AMPH: variants seen among roughly 807,000 people sequenced by gnomAD.
AMPH encodes the protein amphiphysin.
In AMPH, 49 loss-of-function variants were observed where a neutral mutation model predicts 99.1. The ratio of observed to expected loss-of-function variants is 0.49; its 90% CI spans 0.39 to 0.63. AMPH has a LOEUF of 0.63. Ranked by LOEUF, AMPH falls within the 20% of genes least tolerant of loss-of-function variation. The probability of loss-of-function intolerance (pLI) is 0.00; values close to 1 mark genes in which losing one functional copy is unlikely to be tolerated. For missense variants in AMPH, 759 were observed against 863.4 expected, an observed-to-expected ratio of 0.88 and a Z score of 1.52; for synonymous variants, 314 against 317.3, an observed-to-expected ratio of 0.99 and a Z score of 0.11.
intron 14 of AMPH, chr7:38,428,936 G>A: frequency 8.9e-7 from 1 of 1,121,052 alleles, no homozygotes. Context: ...AGGTCTTATG[G>A]TCTTCCTTTC....
At chr7:38,394,406 T>C (rs896772213) in intron 17 of AMPH, among the ~76,000 whole-genome samples, 192 bp from the exon 18 acceptor site, 16 of 152,164 alleles carry the variant, frequency 1.1e-4, no homozygotes, top group African/African-American at 3.6e-4. Context: ...TCTGCTGAGC[T>C]CCCAACAATT....
intron 15 of AMPH, among the ~76,000 whole-genome samples, chr7:38,424,612 A>G (rs1005757084): frequency 1.3e-5 from 2 of 152,086 alleles, no homozygotes; most frequent in African/African-American, 4.8e-5. Context: ...AAAATATGAA[A>G]AAGAGAAGTG....
rs1380712286 is a variant in AMPH at position 38,391,767 on chromosome 7, G to C, written c.1859C>G (p.Pro620Arg). 5.6e-6 allele frequency: 9 copies of C among 1,613,852 alleles called. No homozygotes were observed. Among genetic ancestry groups the C allele is most frequent in the Non-Finnish European group, 7.6e-6 (9 of 1,179,940 alleles). Residue 620 changes from proline (P) to arginine (R), a missense_variant, in exon 19 of 21, where the codon CCT (proline) becomes CGT (arginine). By Grantham distance (103) the Pro-to-Arg change is moderately radical (BLOSUM62 -2). This residue lies in a region of AMPH where 554 missense variants were observed against 575.6 expected (regional missense o/e 0.96). Transcript: ENST00000356264. ...GAATACCTTGTAGAGAAAGCCAGGA[G>C]GCAATTCCTGAGAGGCCTCCCTTGC... Reference protein sequence around the residue: ...ASAREASQELPPGFLYKVETL... With the variant: ...ASAREASQELRPGFLYKVETL...
At chr7:38,602,918 CAAA>C (rs912572996) in intron 1 of AMPH, among the ~76,000 whole-genome samples, 9 of 152,068 alleles carry the variant, frequency 5.9e-5, no homozygotes, top group Non-Finnish European at 1.3e-4. Flanking sequence ...GTATCGTCTT[CAAA>C]AAGTCAATAT....
chr7:38,608,254 C>T (rs1793503462), intron 1 of AMPH, among the ~76,000 whole-genome samples: 1 of 152,162 alleles, frequency 6.6e-6, no homozygotes, highest in East Asian at 1.9e-4. Flanking sequence ...AGCACGGCTC[C>T]CGGTCAGCTT....
At chr7:38,399,427 CA>C (rs1784780458) in intron 17 of AMPH, among the ~76,000 whole-genome samples, 1 of 152,100 alleles carries the variant, frequency 6.6e-6, no homozygotes, top group Non-Finnish European at 1.5e-5. Context: ...TTACTGACCG[CA>C]AGAATAGAAC....
chr7:38,422,808 C>T (rs990803038), intron 15 of AMPH, among the ~76,000 whole-genome samples: 4 of 152,060 alleles, frequency 2.6e-5, no homozygotes, highest in Admixed American at 2.6e-4. Context: ...TTTGTATAGA[C>T]AGCGTTTCAT....
chr7:38,435,163 G>A (rs1347178326), intron 12 of AMPH, among the ~76,000 whole-genome samples: 1 of 152,114 alleles, frequency 6.6e-6, no homozygotes, highest in African/African-American at 2.4e-5. Context: ...TTTTTGCAAA[G>A]CATCTTCAAG....
At chr7:38,494,338 C>T in intron 4 of AMPH, 95 bp downstream of exon 4, 1 of 1,032,942 alleles carries the variant, frequency 9.7e-7, no homozygotes. Flanking sequence ...TGTCTTGCCT[C>T]ATGATTAAGA....
At chr7:38,505,907 A>G (rs2043788) in intron 2 of AMPH, among the ~76,000 whole-genome samples, 23 of 151,896 alleles carry the variant, frequency 1.5e-4, no homozygotes, top group Middle Eastern at 3.4e-3. Context: ...CTATGCTGCA[A>G]CTCCCTACCA....
rs908946146 is a variant in AMPH, at chr7:38,477,093, G to A, written c.397-124C>T. 12 of 721,754 alleles carry A rather than the reference G, an allele frequency of 1.7e-5. No homozygotes were observed. In the African/African-American group the frequency reaches 1.9e-4, roughly 12 times the overall value. The allele number at this position is 721,754 out of a possible 1,614,324, so 44.7% of individuals were successfully genotyped here. A position where few individuals can be genotyped will look rare whatever the true frequency, so the allele number is the denominator to read the frequency against. ...GAGGATCTTGACTGGAGATCAAGAT[G>A]GGCTGGAGTTTCACTAGCTAAGTGA... On this transcript the variant is annotated intron_variant, in intron 5 of 20. Transcript: ENST00000356264.
intron 9 of AMPH, 65 bp downstream of exon 9, chr7:38,465,402 G>T: frequency 7.2e-7 from 1 of 1,389,898 alleles, no homozygotes; most frequent in Non-Finnish European, 1.0e-6. Context: ...GTACAGGCTG[G>T]TCCACAGATT....
At chr7:38,394,744 T>C (rs1051253642) in intron 17 of AMPH, among the ~76,000 whole-genome samples, 1 of 152,178 alleles carries the variant, frequency 6.6e-6, no homozygotes, top group Non-Finnish European at 1.5e-5. Context: ...CTACAGAGCA[T>C]GAGATGAAGG....
At chr7:38,462,379 G>T (rs1475889874) in intron 10 of AMPH, among the ~76,000 whole-genome samples, 1 of 151,940 alleles carries the variant, frequency 6.6e-6, no homozygotes, top group East Asian at 1.9e-4. Context: ...ACTGGACTGG[G>T]GACTATAAAT....
chr7:38,576,065 G>C (rs1792230548), intron 1 of AMPH, among the ~76,000 whole-genome samples: 1 of 152,194 alleles, frequency 6.6e-6, no homozygotes, highest in Non-Finnish European at 1.5e-5. Flanking sequence ...AGACTGCCTA[G>C]TGACTAGAGT....
chr7:38,475,649 C>T (rs1032771734), intron 6 of AMPH, among the ~76,000 whole-genome samples: 1 of 152,138 alleles, frequency 6.6e-6, no homozygotes, highest in African/African-American at 2.4e-5. Flanking sequence ...CTGGCTGATT[C>T]ATTTATTCTA....
At chr7:38,610,326 GAAAAGAA>G (rs1793613160) in intron 1 of AMPH, among the ~76,000 whole-genome samples, 2 of 27,356 alleles carry the variant, frequency 7.3e-5, no homozygotes, top group South Asian at 7.2e-4. Flanking sequence ...GAAAAGAAAA[GAAAAGAA>G]AAAAGAAAAG....
intron 2 of AMPH, among the ~76,000 whole-genome samples, chr7:38,526,272 CTT>C (rs1156956513): frequency 2.1e-5 from 3 of 142,896 alleles, no homozygotes; most frequent in Non-Finnish European, 1.5e-5. Flanking sequence ...GGTTTCTTTT[CTT>C]TTTTTTTTTT....
At chr7:38,609,925 A>G (rs1248398678) in intron 1 of AMPH, among the ~76,000 whole-genome samples, 1 of 152,062 alleles carries the variant, frequency 6.6e-6, no homozygotes, top group Non-Finnish European at 1.5e-5. Context: ...GGAGGAAAGC[A>G]CATAATATAA....
Sources: gnomAD v4.1 joint callset for allele counts (sites outside exome capture counted in the v4.1 genomes callset) on GRCh38, gnomAD v4.1.1 for gene constraint, gnomAD v4.1.1 regional missense constraint, MANE v1.5 for transcripts, NCBI Gene and HGNC (gene_info 2026-07-23, HGNC 2026-07-21) for gene names.